The following GSE1 variants were observed in gnomAD, a reference collection of about 807,000 sequenced individuals.
GSE1 encodes genetic suppressor element 1.
In GSE1, 32 loss-of-function variants were observed where a neutral mutation model predicts 112.6. The ratio of observed to expected loss-of-function variants is 0.28; its 90% confidence interval spans 0.21 to 0.38. The LOEUF (loss-of-function observed/expected upper bound fraction) is 0.38, where lower values mean the gene tolerates loss of function less well. Ranked by LOEUF, GSE1 falls within the 10% of genes least tolerant of loss-of-function variation. The pLI is 1.00. For synonymous variants in GSE1, 1,115 were observed against 735.6 expected (o/e 1.52, Z -8.35); for missense variants, 2,348 against 1,699.2 (o/e 1.38, Z -6.71).
Position 85,648,748 on chromosome 16 carries a change from G to A in GSE1, c.423G>A (p.Arg141=), listed in dbSNP as rs143043046. The change falls in exon 3 of 16, where the codon CGG becomes CGA. Residue 141 remains arginine, a synonymous_variant. Coordinates refer to ENST00000253458, the MANE Select transcript of GSE1 (RefSeq NM_014615.5). ...TVNGVWRSES[R]QDAGSRSSSG... is the part of the protein sequence containing the mutation. The stretch of plus-strand genomic sequence containing the variant: ...ATGGTGTCTGGAGGAGTGAGAGCCG[G>A]CAGGTGAGTGGGGCGGGGCAGGGAG... 5,837 of 1,577,614 alleles carry A rather than the reference G, an allele frequency of 3.7e-3. 34 individuals carry two copies. The highest frequency in any genetic ancestry group is 0.016 in the South Asian group (1,360 of 87,534).
Position 85,671,050 on chromosome 16 carries a change from G to A in GSE1, c.3471G>A (p.Arg1157=), listed in dbSNP as rs1434334080. The A allele has an allele frequency of 1.2e-6, 2 of 1,612,828 alleles. No homozygotes were observed. Among genetic ancestry groups the A allele is most frequent in the African/African-American group, 1.3e-5 (1 of 75,018 alleles). The part of the protein sequence containing the change: ...LQTQCRRLEA[R]HYSLSLTAEQ... Reference sequence around the variant, plus strand: ...CACAATGTAGACGACTGGAGGCCCGGCACTACAGCCTCAGCCTGACGGCAG... The same window carrying A: ...CACAATGTAGACGACTGGAGGCCCGACACTACAGCCTCAGCCTGACGGCAG... The change falls in exon 15 of 16, where the codon CGG becomes CGA. Residue 1157 remains arginine, a synonymous_variant. Transcript: ENST00000253458.
At chr16:85,255,683 G>C (rs1338514136) in intron 1 of GSE1, among the ~76,000 whole-genome samples, 2 of 152,086 alleles carry the variant, frequency 1.3e-5, no homozygotes, top group East Asian at 1.9e-4. Flanking sequence ...GATTACAGGC[G>C]TGAGCCACCG....
chr16:85,579,495 TC>T (rs1243501307), intron 1 of GSE1, among the ~76,000 whole-genome samples: 2 of 152,186 alleles, frequency 1.3e-5, no homozygotes, highest in Non-Finnish European at 2.9e-5. Context: ...GCAGCCTGTG[TC>T]TGCAGCGGTT....
chr16:85,230,970 C>G (rs1033047519), intron 1 of GSE1, among the ~76,000 whole-genome samples: 1 of 147,132 alleles, frequency 6.8e-6, no homozygotes, highest in East Asian at 2.0e-4. Flanking sequence ...GATGGATGGA[C>G]GGACGGACGG....
chr16:85,585,401 G>A (rs953875260), intron 1 of GSE1, among the ~76,000 whole-genome samples: 2 of 152,358 alleles, frequency 1.3e-5, no homozygotes, highest in African/African-American at 2.4e-5. Context: ...TTTTCAGGGT[G>A]CCCAGGCATG....
At chr16:85,272,077 C>T (rs150849967) in intron 1 of GSE1, among the ~76,000 whole-genome samples, 41 of 152,330 alleles carry the variant, frequency 2.7e-4, no homozygotes, top group Non-Finnish European at 3.2e-4. Flanking sequence ...GGCAGATGGC[C>T]CCAGACCCGT....
chr16:85,628,765 G>A (rs1176602063), intron 1 of GSE1, among the ~76,000 whole-genome samples: 1 of 152,212 alleles, frequency 6.6e-6, no homozygotes, highest in Non-Finnish European at 1.5e-5. Context: ...AAGGATGAAA[G>A]TGAAAGACAT....
At chr16:85,612,262 G>A (rs1415653916), upstream of GSE1, among the ~76,000 whole-genome samples, 1 of 151,724 alleles carries the variant, frequency 6.6e-6, no homozygotes, top group African/African-American at 2.4e-5. Flanking sequence ...GGGGCGGGGC[G>A]GGGTGGGCGG....
At chr16:85,329,243 C>T (rs2046289203) in intron 1 of GSE1, among the ~76,000 whole-genome samples, 1 of 152,288 alleles carries the variant, frequency 6.6e-6, no homozygotes, top group African/African-American at 2.4e-5. Flanking sequence ...GTTTGTTCAT[C>T]TGTAAAATGG....
At chr16:85,208,094 G>A (rs927724758) in intron 1 of GSE1, among the ~76,000 whole-genome samples, 39 of 152,296 alleles carry the variant, frequency 2.6e-4, no homozygotes, top group African/African-American at 9.1e-4. Flanking sequence ...AGCAGCATTA[G>A]GAGGGAGTCA....
chr16:85,241,146 TAGCTGCGTGACCTTGGGCTC>T (rs1030628802), intron 1 of GSE1, among the ~76,000 whole-genome samples: 3 of 151,674 alleles, frequency 2.0e-5, no homozygotes, highest in African/African-American at 7.3e-5. Context: ...TGATACTTCC[TAGCTGCGTGACCTTGGGCTC>T]GGCTGCGTGA....
intron 1 of GSE1, among the ~76,000 whole-genome samples, chr16:85,580,588 G>A (rs79493419): frequency 0.011 from 1,683 of 152,348 alleles, 34 homozygotes; most frequent in African/African-American, 0.037. Flanking sequence ...CACAAGGCCT[G>A]GCTGTGGTGG....
intron 2 of GSE1, among the ~76,000 whole-genome samples, chr16:85,528,602 C>T (rs1304972087): frequency 6.6e-6 from 1 of 151,994 alleles, no homozygotes; most frequent in Non-Finnish European, 1.5e-5. Flanking sequence ...GCTGGGATTA[C>T]AGGCTGACCC....
At chr16:85,245,683 C>T (rs368350413) in intron 1 of GSE1, among the ~76,000 whole-genome samples, 29 of 152,072 alleles carry the variant, frequency 1.9e-4, no homozygotes, top group African/African-American at 6.0e-4. Flanking sequence ...TTGTATGAAC[C>T]GGACTCGTAA....
At chr16:85,327,331 G>T (rs1304192870) in intron 1 of GSE1, among the ~76,000 whole-genome samples, 1 of 152,202 alleles carries the variant, frequency 6.6e-6, no homozygotes, top group Non-Finnish European at 1.5e-5. Context: ...GGCCGGATGC[G>T]GTGGCTCACA....
chr16:85,377,662 G>C (rs878998287), intron 2 of GSE1, among the ~76,000 whole-genome samples: 30 of 152,228 alleles, frequency 2.0e-4, no homozygotes, highest in Admixed American at 1.8e-3. Flanking sequence ...CTGCTTTCCT[G>C]TGACACCTGG....
chr16:85,440,417 G>A (rs2049348622), intron 2 of GSE1, among the ~76,000 whole-genome samples: 1 of 152,252 alleles, frequency 6.6e-6, no homozygotes, highest in Non-Finnish European at 1.5e-5. Flanking sequence ...CCATCTGGGG[G>A]AGGCGCTTCC....
chr16:85,527,163 C>T (rs1433437682), intron 2 of GSE1, among the ~76,000 whole-genome samples: 1 of 152,344 alleles, frequency 6.6e-6, no homozygotes, highest in East Asian at 1.9e-4. Flanking sequence ...GGAGCTGCAG[C>T]GAGGCCTGTC....
chr16:85,584,199 G>A (rs552798580), intron 1 of GSE1, among the ~76,000 whole-genome samples: 8 of 152,108 alleles, frequency 5.3e-5, no homozygotes, highest in South Asian at 2.1e-4. Context: ...CCCCCTCTGC[G>A]TGTTCCCCAA....
Sources: gnomAD v4.1 joint callset for allele counts (sites outside exome capture counted in the v4.1 genomes callset) on GRCh38, gnomAD v4.1.1 for gene constraint, MANE v1.5 for transcripts, NCBI Gene and HGNC (gene_info 2026-07-23, HGNC 2026-07-21) for gene names.